SCOC: variants seen among roughly 807,000 people sequenced by gnomAD.
SCOC encodes short coiled-coil protein.
SCOC carries 7 observed loss-of-function variants against 9.9 expected under a neutral mutation model. The ratio of observed to expected loss-of-function variants is 0.71; its 90% confidence interval spans 0.40 to 1.33. The LOEUF is 1.33. Among genes scored for constraint, SCOC ranks in the 40% most tolerant of loss-of-function variants. The pLI, the probability that SCOC is intolerant of heterozygous loss-of-function variation, is 0.01. For missense variants in SCOC, 66 were observed against 89.7 expected, an observed-to-expected ratio of 0.74 and a Z score of 1.07; for synonymous variants, 19 against 28.2, an observed-to-expected ratio of 0.67 and a Z score of 1.03.
At chr4:140,297,116 C>T (rs528625204) in intron 1 of SCOC, among the ~76,000 whole-genome samples, 1 of 152,300 alleles carries the variant, frequency 6.6e-6, no homozygotes, top group East Asian at 1.9e-4. Flanking sequence ...AGCACCATTT[C>T]TCCCATGAAA....
At chr4:140,372,165 T>A (rs1321188694), upstream of SCOC, among the ~76,000 whole-genome samples, 1 of 152,236 alleles carries the variant, frequency 6.6e-6, no homozygotes, top group Non-Finnish European at 1.5e-5. Flanking sequence ...TTTGGCAAGA[T>A]GAAAAGAGAG....
chr4:140,362,305 T>TGTTCTTCTTCTTCTTCTTCTTC (rs1357436782), intron 2 of SCOC, among the ~76,000 whole-genome samples: 1 of 9,240 alleles, frequency 1.1e-4, no homozygotes, highest in African/African-American at 3.2e-4. Context: ...TCTTCTTTTT[T>TGTTCTTCTTCTTCTTCTTCTTC]TTTTTTTTTT....
At chr4:140,306,355 G>A (rs907516) in intron 1 of SCOC, among the ~76,000 whole-genome samples, 60,023 of 151,952 alleles carry the variant, frequency 0.4, 14,306 homozygotes, top group African/African-American at 0.67. Flanking sequence ...GGGAGCTACA[G>A]TTCAAGATGA....
At chr4:140,350,345 C>A (rs1389155707) in intron 2 of SCOC, among the ~76,000 whole-genome samples, 1 of 152,222 alleles carries the variant, frequency 6.6e-6, no homozygotes, top group Non-Finnish European at 1.5e-5. Flanking sequence ...GCATCCAGCA[C>A]AAGTTGAATG....
At chr4:140,320,663 G>T (rs1353512618) in intron 1 of SCOC, among the ~76,000 whole-genome samples, 1 of 152,142 alleles carries the variant, frequency 6.6e-6, no homozygotes, top group Non-Finnish European at 1.5e-5. Flanking sequence ...CCAAGATGCT[G>T]GCTGGAGAAG....
chr4:140,370,839 G>A (rs887171796), upstream of SCOC, among the ~76,000 whole-genome samples: 9 of 151,106 alleles, frequency 6.0e-5, no homozygotes, highest in Non-Finnish European at 1.0e-4. Context: ...GCCTACTTAC[G>A]TTATTTGCAT....
At chr4:140,361,551 T>C (rs2126552282) in intron 2 of SCOC, among the ~76,000 whole-genome samples, 1 of 152,212 alleles carries the variant, frequency 6.6e-6, no homozygotes, top group South Asian at 2.1e-4. Flanking sequence ...CCCAGCTATT[T>C]GAGAGGCTGA....
intron 1 of SCOC, among the ~76,000 whole-genome samples, chr4:140,263,458 G>C (rs921169305): frequency 2.0e-5 from 3 of 152,206 alleles, no homozygotes; most frequent in Non-Finnish European, 4.4e-5. Flanking sequence ...GTGCAGAGCA[G>C]CTGTGGGTGA....
intron 1 of SCOC, among the ~76,000 whole-genome samples, chr4:140,260,206 T>C (rs1386503764): frequency 6.6e-6 from 1 of 152,244 alleles, no homozygotes; most frequent in African/African-American, 2.4e-5. Context: ...AGATGGTTGA[T>C]TCATATTCTA....
chr4:140,282,890 A>C (rs900358735), intron 1 of SCOC, among the ~76,000 whole-genome samples: 5 of 152,252 alleles, frequency 3.3e-5, no homozygotes, highest in African/African-American at 1.2e-4. Flanking sequence ...TCAGCAAAGG[A>C]AACAGTATAT....
intron 2 of SCOC, among the ~76,000 whole-genome samples, chr4:140,352,468 A>G (rs894998871): frequency 6.6e-6 from 1 of 152,212 alleles, no homozygotes; most frequent in Non-Finnish European, 1.5e-5. Flanking sequence ...AAGAGATTCA[A>G]TAAGAAAAAG....
At chr4:140,320,828 C>T (rs147956682) in intron 1 of SCOC, among the ~76,000 whole-genome samples, 58 of 152,286 alleles carry the variant, frequency 3.8e-4, no homozygotes, top group African/African-American at 1.3e-3. Flanking sequence ...AAAGAAGCTT[C>T]ACTTTGGGGG....
chr4:140,369,177 A>T (rs531840250), upstream of SCOC: 1 of 211,454 alleles, frequency 4.7e-6, no homozygotes, highest in East Asian at 1.7e-4. Context: ...ATCTTGAGAA[A>T]GTATACATGA....
intron 1 of SCOC, among the ~76,000 whole-genome samples, chr4:140,323,182 T>A (rs375406234): frequency 6.6e-6 from 1 of 152,092 alleles, no homozygotes; most frequent in Non-Finnish European, 1.5e-5. Flanking sequence ...CTTGGTGCCC[T>A]CCCCACAGTA....
chr4:140,262,018 A>G (rs1328224435), intron 1 of SCOC, among the ~76,000 whole-genome samples: 2 of 152,246 alleles, frequency 1.3e-5, no homozygotes, highest in Non-Finnish European at 2.9e-5. Flanking sequence ...TTAGACCTCA[A>G]TTTAATCACT....
intron 2 of SCOC, chr4:140,366,836 C>G: frequency 1.1e-6 from 1 of 872,498 alleles, no homozygotes; most frequent in East Asian, 2.4e-5. Flanking sequence ...ACACGGCCAA[C>G]CTCCACGAAG....
At chr4:140,352,155 C>T (rs1727008136) in intron 2 of SCOC, among the ~76,000 whole-genome samples, 1 of 152,146 alleles carries the variant, frequency 6.6e-6, no homozygotes, top group South Asian at 2.1e-4. Flanking sequence ...CTCTTTACAC[C>T]CTCCAATGAA....
chr4:140,292,685 G>T, intron 1 of SCOC, among the ~76,000 whole-genome samples: 1 of 152,314 alleles, frequency 6.6e-6, no homozygotes, highest in East Asian at 1.9e-4. Flanking sequence ...TGCCGAGGAG[G>T]GGACGTTGCT....
intron 1 of SCOC, 86 bp downstream of exon 1, chr4:140,373,803 G>A: frequency 7.1e-7 from 1 of 1,401,788 alleles, no homozygotes; most frequent in Non-Finnish European, 9.7e-7. Context: ...GGAGGGCGGG[G>A]CGGGCTGGAC....
Sources: allele counts gnomAD v4.1 joint callset (sites outside exome capture counted in the v4.1 genomes callset), GRCh38; gene constraint gnomAD v4.1.1; transcripts MANE v1.5; gene names NCBI Gene and HGNC (gene_info 2026-07-23, HGNC 2026-07-21).